TJP1: variants seen among roughly 807,000 people sequenced by gnomAD.
TJP1 encodes tight junction protein 1.
TJP1 carries 43 observed loss-of-function variants against 194.2 expected under a neutral mutation model. That is an observed-to-expected ratio of 0.22 (90% CI 0.17 to 0.29). The LOEUF (loss-of-function observed/expected upper bound fraction) is 0.29, where lower values mean the gene tolerates loss of function less well. TJP1 is among the 10% of genes least tolerant of loss of function. The pLI, the probability that TJP1 is intolerant of heterozygous loss-of-function variation, is 1.00. For missense variants in TJP1, 1,971 were observed against 2,185.7 expected (o/e 0.90, Z 1.96); for synonymous variants, 801 against 779.0 (o/e 1.03, Z -0.47).
chr15:29,936,149 T>A lies in TJP1; in HGVS notation c.306+20083A>T, dbSNP rs551810931. 3.3e-5 allele frequency among the ~76,000 whole-genome samples: 5 copies of A among 152,068 alleles called. No individual in the cohort carries two copies. The South Asian group carries it at 6.2e-4, about 19-fold the overall frequency. On this transcript the variant is annotated intron_variant, in intron 2 of 28. Transcript: ENST00000356107. ...CCTCCCTCCTATGCGCTAGAGTCCATCCATCTGTCCCATCCCTACAGCACC... is the reference window on the plus strand; with the variant it reads ...CCTCCCTCCTATGCGCTAGAGTCCAACCATCTGTCCCATCCCTACAGCACC...
chr15:29,860,653 A>G (rs908781742), intron 2 of TJP1, among the ~76,000 whole-genome samples: 1 of 152,162 alleles, frequency 6.6e-6, no homozygotes, highest in Non-Finnish European at 1.5e-5. Context: ...CTATGGATAT[A>G]CCACATTTTG....
chr15:29,828,052 T>C (rs902460808), intron 2 of TJP1, among the ~76,000 whole-genome samples: 2 of 152,224 alleles, frequency 1.3e-5, no homozygotes, highest in Non-Finnish European at 2.9e-5. Flanking sequence ...CAACATCCAC[T>C]GCATTCCCAT....
At chr15:29,746,072 T>C (rs975389668) in intron 8 of TJP1, among the ~76,000 whole-genome samples, 36 of 152,188 alleles carry the variant, frequency 2.4e-4, no homozygotes, top group Admixed American at 1.2e-3. Flanking sequence ...TAGAATGATA[T>C]GTACAGACAT....
At chr15:29,945,270 C>A (rs1235516769) in intron 2 of TJP1, among the ~76,000 whole-genome samples, 1 of 152,100 alleles carries the variant, frequency 6.6e-6, no homozygotes, top group Non-Finnish European at 1.5e-5. Context: ...CAAGTATGTG[C>A]CTAAGTAGGA....
intron 4 of TJP1, among the ~76,000 whole-genome samples, chr15:29,771,822 G>GT (rs930462996): frequency 2.6e-5 from 4 of 151,152 alleles, no homozygotes; most frequent in Non-Finnish European, 4.4e-5. Context: ...AAAAAAAAAG[G>GT]TAACTATTTA....
chr15:29,731,665 C>A (rs575676247), intron 15 of TJP1, among the ~76,000 whole-genome samples: 132 of 152,240 alleles, frequency 8.7e-4, no homozygotes, highest in African/African-American at 3.1e-3. Flanking sequence ...TAGTGGCTTT[C>A]TGATTTTTGG....
At chr15:29,805,656 GGTTGGTGCAAAAA>G in intron 1 of TJP1, among the ~76,000 whole-genome samples, 1 of 122,274 alleles carries the variant, frequency 8.2e-6, no homozygotes, top group Non-Finnish European at 1.8e-5. Flanking sequence ...ATGGTATTTA[GGTTGGTGCAAAAA>G]TAACTGCAGC....
At chr15:29,929,469 A>G (rs2054632107) in intron 2 of TJP1, among the ~76,000 whole-genome samples, 1 of 152,096 alleles carries the variant, frequency 6.6e-6, no homozygotes. Context: ...GGCCGGGGGA[A>G]GTGGATGACA....
At chr15:29,949,652 ACCT>A (rs2055542097) in intron 2 of TJP1, among the ~76,000 whole-genome samples, 2 of 103,472 alleles carry the variant, frequency 1.9e-5, no homozygotes, top group Non-Finnish European at 4.0e-5. Flanking sequence ...CACCACCACC[ACCT>A]CCACCTCCAC....
At chr15:29,746,968 A>G (rs952600009) in intron 8 of TJP1, among the ~76,000 whole-genome samples, 4 of 151,922 alleles carry the variant, frequency 2.6e-5, no homozygotes, top group Non-Finnish European at 4.4e-5. Flanking sequence ...CTACTTTTAA[A>G]TTGGAAAAGA....
intron 2 of TJP1, among the ~76,000 whole-genome samples, chr15:29,931,255 G>C (rs75195268): frequency 0.049 from 7,488 of 152,198 alleles, 201 homozygotes; most frequent in South Asian, 0.1. Context: ...GGCTGCAGAG[G>C]AGGAGGAAGA....
chr15:29,763,582 G>A (rs188215841), intron 5 of TJP1, among the ~76,000 whole-genome samples: 3 of 152,012 alleles, frequency 2.0e-5, no homozygotes, highest in East Asian at 3.9e-4. Flanking sequence ...AGCCTGGCTA[G>A]CATGGTAAAA....
chr15:29,707,912 T>A (rs2041998219), intron 25 of TJP1, among the ~76,000 whole-genome samples: 1 of 152,148 alleles, frequency 6.6e-6, no homozygotes, highest in Non-Finnish European at 1.5e-5. Context: ...GAGTATGGGC[T>A]CCTGGCTGGG....
chr15:29,943,444 A>G (rs1412910649), intron 2 of TJP1, among the ~76,000 whole-genome samples: 2 of 151,966 alleles, frequency 1.3e-5, no homozygotes, highest in Admixed American at 6.5e-5. Flanking sequence ...CCTGGCCAAC[A>G]TGGTGAAACC....
intron 10 of TJP1, among the ~76,000 whole-genome samples, chr15:29,738,818 G>C (rs1249133382): frequency 7.4e-6 from 1 of 135,536 alleles, no homozygotes; most frequent in Non-Finnish European, 1.5e-5. Context: ...CTTGAGCCTA[G>C]GAGTTTGTTC....
At position 29,719,836 on chromosome 15, in the gene TJP1, C is replaced by T. The variant is rs569278748; in HGVS notation, c.2944G>A (p.Ala982Thr). The T allele has an allele frequency of 6.2e-7, 1 of 1,614,184 alleles. No individual in the cohort carries two copies. The highest frequency in any genetic ancestry group is 2.2e-5 in the East Asian group (1 of 44,888). The change falls in exon 20 of 28, where the codon GCT becomes ACT. Residue 982 changes from alanine (A) to threonine (T), a missense_variant. This residue lies in a region of TJP1 where 1,108 missense variants were observed against 1,128.5 expected (regional missense o/e 0.98). Transcript: ENST00000614355. ...TCTTGATCTCTTAGCATTATGTGAG[C>T]TGCCTCAGTACTTGGTGTTCTTAAA... ...DSLRTPSTEA[A>T]HIMLRDQEPS...
intron 2 of TJP1, among the ~76,000 whole-genome samples, chr15:29,886,530 C>T (rs1487492091): frequency 1.3e-5 from 2 of 151,338 alleles, no homozygotes; most frequent in Admixed American, 1.3e-4. Context: ...GATTTTGAGG[C>T]TGCAGTGAGC....
intron 15 of TJP1, chr15:29,729,186 C>T (rs1376633795): frequency 6.6e-6 from 1 of 152,198 alleles, no homozygotes; most frequent in Non-Finnish European, 1.5e-5. Context: ...GTAATCCCAG[C>T]CACTAGGGGA....
chr15:29,786,430 C>A (rs935707656), intron 2 of TJP1, among the ~76,000 whole-genome samples: 1 of 152,182 alleles, frequency 6.6e-6, no homozygotes, highest in African/African-American at 2.4e-5. Context: ...TACTTTATTG[C>A]ATGTATAGAG....
Sources: gnomAD v4.1 joint callset for allele counts (sites outside exome capture counted in the v4.1 genomes callset) on GRCh38, gnomAD v4.1.1 for gene constraint, gnomAD v4.1.1 regional missense constraint, MANE v1.5 for transcripts, NCBI Gene and HGNC (gene_info 2026-07-23, HGNC 2026-07-21) for gene names.